The following IKZF1 variants were observed in gnomAD, a reference collection of about 807,000 sequenced individuals.
IKZF1 encodes the protein DNA-binding protein Ikaros.
IKZF1 carries 10 observed loss-of-function variants against 51.7 expected under a neutral mutation model. The ratio of observed to expected loss-of-function variants is 0.19; its 90% CI spans 0.12 to 0.33. The LOEUF (loss-of-function observed/expected upper bound fraction) is 0.33, where lower values mean the gene tolerates loss of function less well. Ranked by LOEUF, IKZF1 falls within the 10% of genes least tolerant of loss-of-function variation. IKZF1 has a pLI of 1.00. For synonymous variants in IKZF1, 280 were observed against 282.3 expected, an observed-to-expected ratio of 0.99 and a Z score of 0.08; for missense variants, 484 against 707.5, an observed-to-expected ratio of 0.68 and a Z score of 3.58.
At chr7:50,338,567 G>T (rs1798327338) in intron 3 of IKZF1, among the ~76,000 whole-genome samples, 1 of 152,212 alleles carries the variant, frequency 6.6e-6, no homozygotes. Flanking sequence ...CCCCTATCTG[G>T]TTAGGGCATT....
At chr7:50,324,164 A>T (rs1010424605) in intron 2 of IKZF1, among the ~76,000 whole-genome samples, 1 of 152,240 alleles carries the variant, frequency 6.6e-6, no homozygotes, top group Admixed American at 6.5e-5. Context: ...GCATAAAAAT[A>T]CTGTGCCTAT....
rs2153468749 is a variant in IKZF1, at chr7:50,376,572, A to G, written c.200A>G (p.Asn67Ser). ...VKVETQSDEENGRACEMNGEE... is the reference protein window; with the variant it reads ...VKVETQSDEESGRACEMNGEE... ...GTAGAGACTCAGAGTGATGAAGAGA[A>G]TGGGCGTGCCTGTGAAATGAATGGG... Residue 67 changes from asparagine to serine, a missense_variant, in exon 4 of 8, where the codon AAT becomes AGT. This residue lies in a region of IKZF1 where 118 missense variants were observed against 138.4 expected (regional missense o/e 0.85). Transcript: ENST00000331340. The surrounding 1 kb of genome is among the most constrained non-coding windows in gnomAD (Gnocchi z 4.5). 6.2e-7 allele frequency: 1 copy of G among 1,613,996 alleles called. No homozygotes were observed. The highest frequency in any genetic ancestry group is 1.1e-5 in the South Asian group (1 of 91,080).
At chr7:50,389,013 A>G (rs1814226623) in intron 6 of IKZF1, among the ~76,000 whole-genome samples, 2 of 152,256 alleles carry the variant, frequency 1.3e-5, no homozygotes, top group Admixed American at 1.3e-4. Flanking sequence ...CAGACAGTAT[A>G]TCATTTCTGT....
In IKZF1 at chr7:50,400,695, C is replaced by T. The variant is rs1289305015; in HGVS notation, c.*68C>T. ...AAAAGCACAAGGACTGCCGCCTTCTCGCTCCCGCCAGCAGCATAGACTGGA... is the reference window on the plus strand; with the variant it reads ...AAAAGCACAAGGACTGCCGCCTTCTTGCTCCCGCCAGCAGCATAGACTGGA... On this transcript the variant is annotated 3_prime_UTR_variant, in exon 8 of 8. Transcript: ENST00000331340. This position sits in a 1 kb window ranked among gnomAD's most constrained non-coding sequence, Gnocchi z 5.4. 2 of 1,510,444 alleles carry T rather than the reference C, an allele frequency of 1.3e-6. No homozygotes were observed. Among genetic ancestry groups the T allele is most frequent in the South Asian group, 1.2e-5 (1 of 84,128 alleles). 93.6% of individuals were successfully genotyped at this position (1,510,444 alleles called of 1,614,324 possible).
chr7:50,353,104 G>A (rs1158693778), intron 3 of IKZF1, among the ~76,000 whole-genome samples: 1 of 138,280 alleles, frequency 7.2e-6, no homozygotes, highest in African/African-American at 2.8e-5. Context: ...GAAAGAAAGA[G>A]CTGGAGAAGC....
At position 50,310,169 on chromosome 7, in the gene IKZF1, G is replaced by A. The variant is rs1390963227; in HGVS notation, c.-15+5247G>A. 2.0e-5 allele frequency among the ~76,000 whole-genome samples: 3 copies of A among 152,202 alleles called. No homozygotes were observed. The East Asian group carries it at 5.8e-4, about 29-fold the overall frequency. On this transcript the variant is annotated intron_variant, in intron 1 of 7. Coordinates refer to ENST00000331340, the MANE Select transcript of IKZF1 (RefSeq NM_006060.6). ...TCATTTTAAAAGTTGGTAGGAAGTT[G>A]TGAGTACTTTTGCAGTATGAGTGTT...
chr7:50,339,013 G>T (rs935732449), intron 3 of IKZF1, among the ~76,000 whole-genome samples: 32,702 of 152,196 alleles, frequency 0.21, 4,597 homozygotes, highest in East Asian at 0.58. Flanking sequence ...AATCTGCCAG[G>T]TTGTTGGTAA....
At chr7:50,326,727 A>G (rs769531046) in intron 2 of IKZF1, among the ~76,000 whole-genome samples, 2 of 152,216 alleles carry the variant, frequency 1.3e-5, no homozygotes, top group Non-Finnish European at 2.9e-5. Flanking sequence ...TGTGTGGATT[A>G]TATTTTATTT....
intron 4 of IKZF1, among the ~76,000 whole-genome samples, chr7:50,379,898 G>T (rs1293419289): frequency 6.6e-6 from 1 of 152,200 alleles, no homozygotes; most frequent in African/African-American, 2.4e-5. Context: ...CTTACAGAGG[G>T]TTCCTAAAAT....
intron 3 of IKZF1, among the ~76,000 whole-genome samples, chr7:50,343,784 C>G (rs763486112): frequency 5.9e-5 from 9 of 152,208 alleles, no homozygotes; most frequent in Non-Finnish European, 1.0e-4. Context: ...TTTTTCATCA[C>G]TCACATTTAT....
chr7:50,389,938 T>C (rs1814551684), intron 6 of IKZF1, among the ~76,000 whole-genome samples: 2 of 152,168 alleles, frequency 1.3e-5, no homozygotes, highest in African/African-American at 4.8e-5. Context: ...CCTCCTTAGA[T>C]GGGGTGGATT....
chr7:50,362,584 G>A (rs1225767760), intron 3 of IKZF1, among the ~76,000 whole-genome samples: 11 of 152,160 alleles, frequency 7.2e-5, no homozygotes, highest in Non-Finnish European at 2.9e-5. Context: ...TAAAACATGA[G>A]CTACAGGGCT....
intron 3 of IKZF1, among the ~76,000 whole-genome samples, chr7:50,363,314 G>T (rs1405558498): frequency 5.3e-5 from 8 of 152,164 alleles, no homozygotes; most frequent in Non-Finnish European, 1.2e-4. Context: ...AAGGTACTAT[G>T]CTGGGGCCAT....
intron 3 of IKZF1, among the ~76,000 whole-genome samples, chr7:50,335,707 T>C (rs1797599924): frequency 6.6e-6 from 1 of 150,972 alleles, no homozygotes. Context: ...GTTTATGGGA[T>C]GTGTGCTGTG....
intron 5 of IKZF1, among the ~76,000 whole-genome samples, chr7:50,385,743 AG>A (rs1416479649): frequency 6.6e-6 from 1 of 152,272 alleles, no homozygotes; most frequent in Non-Finnish European, 1.5e-5. Flanking sequence ...TTTTCAGGAA[AG>A]GGTATCGAGT....
intron 3 of IKZF1, among the ~76,000 whole-genome samples, chr7:50,344,512 C>G (rs1485835465): frequency 1.3e-5 from 2 of 152,244 alleles, no homozygotes; most frequent in Non-Finnish European, 2.9e-5. Context: ...TTTACAACTT[C>G]CAAACTATTT....
At chr7:50,311,791 A>G (rs1790232270) in intron 1 of IKZF1, among the ~76,000 whole-genome samples, 1 of 152,246 alleles carries the variant, frequency 6.6e-6, no homozygotes, top group South Asian at 2.1e-4. Context: ...TAAGAAGGCA[A>G]GATAAAGCAT....
At chr7:50,349,083 A>G (rs1364159893) in intron 3 of IKZF1, among the ~76,000 whole-genome samples, 1 of 152,200 alleles carries the variant, frequency 6.6e-6, no homozygotes, top group East Asian at 1.9e-4. Context: ...CACAACTGGT[A>G]TGAACCCACA....
chr7:50,303,950 G>A (rs986830387), upstream of IKZF1: 4 of 144,420 alleles, frequency 2.8e-5, no homozygotes, highest in Admixed American at 6.8e-5. This position sits in a 1 kb window ranked among gnomAD's most constrained non-coding sequence, Gnocchi z 4.7. Context: ...CGGACACAGC[G>A]CCGGCCGCCG....
Sources: allele counts gnomAD v4.1 joint callset (sites outside exome capture counted in the v4.1 genomes callset), GRCh38; gene constraint gnomAD v4.1.1; regional missense constraint gnomAD v4.1.1; non-coding constraint Gnocchi (gnomAD v3.1); transcripts MANE v1.5; gene names NCBI Gene and HGNC (gene_info 2026-07-23, HGNC 2026-07-21).